Variants in TMOD2 observed in about 807,000 individuals in gnomAD.
TMOD2 encodes tropomodulin 2, also known as tropomodulin-2.
In TMOD2, 22 loss-of-function variants were observed where a neutral mutation model predicts 39.9. The ratio of observed to expected loss-of-function variants is 0.55; its 90% CI spans 0.39 to 0.79. The LOEUF is 0.79. Among genes scored for constraint, TMOD2 ranks in the 30% least tolerant of loss-of-function variants. The pLI is 0.00. For missense variants in TMOD2, 386 were observed against 413.3 expected (o/e 0.93, Z 0.57); for synonymous variants, 123 against 146.1 (o/e 0.84, Z 1.14).
intron 1 of TMOD2, among the ~76,000 whole-genome samples, chr15:51,766,135 A>G (rs1302500786): frequency 6.6e-6 from 1 of 152,268 alleles, no homozygotes; most frequent in Non-Finnish European, 1.5e-5. Flanking sequence ...TAAAATGGGA[A>G]TGATAATATC....
chr15:51,795,573 GCTTGCTTTCTTTCTTT>G (rs1348498355), intron 7 of TMOD2, among the ~76,000 whole-genome samples: 2,348 of 33,898 alleles, frequency 0.069, 77 homozygotes, highest in African/African-American at 0.11. Flanking sequence ...CTGCTTGCTT[GCTTGCTTTCTTTCTTT>G]CTTTCTTTCT....
Position 51,795,929 on chromosome 15 carries a change from CTTTCTT to C in TMOD2, c.733-2255_733-2250del, listed in dbSNP as rs200833955. ...CCCCCACCCGACTTTTTCTCTCTTT[CTTTCTT>C]TTTCTTTTTCTTGTGGGGCAGGGAG... On this transcript the variant is annotated intron_variant, in intron 7 of 9. Coordinates refer to ENST00000249700, the MANE Select transcript of TMOD2 (RefSeq NM_014548.4). Among the ~76,000 whole-genome samples the C allele has an allele frequency of 9.8e-3, 1,216 of 124,262 alleles. 19 individuals are homozygous for C. The highest frequency in any genetic ancestry group is 0.035 in the African/African-American group (1,175 of 33,464). 81.5% of individuals were successfully genotyped at this position (124,262 alleles called of 152,430 possible).
At chr15:51,779,345 G>C (rs916602188) in intron 5 of TMOD2, among the ~76,000 whole-genome samples, 3 of 151,544 alleles carry the variant, frequency 2.0e-5, no homozygotes, top group African/African-American at 7.3e-5. Context: ...CCTCTTATCA[G>C]TACTTACAGG....
At chr15:51,781,650 A>G (rs940028364) in intron 6 of TMOD2, among the ~76,000 whole-genome samples, 2 of 152,166 alleles carry the variant, frequency 1.3e-5, no homozygotes, top group African/African-American at 4.8e-5. Context: ...ATTTCTCACC[A>G]TGTGGCTCCC....
intron 7 of TMOD2, among the ~76,000 whole-genome samples, chr15:51,789,190 A>G (rs1300749985): frequency 6.6e-6 from 1 of 152,232 alleles, no homozygotes; most frequent in Non-Finnish European, 1.5e-5. Flanking sequence ...GGAAAGTAAA[A>G]AAAAGCAGGG....
chr15:51,788,970 G>A (rs182861682), intron 7 of TMOD2, among the ~76,000 whole-genome samples: 2 of 152,264 alleles, frequency 1.3e-5, no homozygotes, highest in East Asian at 3.9e-4. Context: ...AAAATAACCA[G>A]CTAGCATCAT....
chr15:51,804,670 T>G (rs2056110685), intron 8 of TMOD2, among the ~76,000 whole-genome samples: 1 of 151,710 alleles, frequency 6.6e-6, no homozygotes, highest in Non-Finnish European at 1.5e-5. Flanking sequence ...CCTCCCGGGT[T>G]CAAGCAATTC....
At position 51,808,680 on chromosome 15, in the gene TMOD2, G is replaced by T; in HGVS notation, c.*226G>T. On this transcript the variant is annotated 3_prime_UTR_variant, in exon 10 of 10. Transcript: ENST00000249700. ...GGGCACTTCTGGCAACTTGACAAAT[G>T]GACCGATGCAGATTTTAGAGAGTGA... 1 of 384,736 alleles carries T rather than the reference G, an allele frequency of 2.6e-6. No homozygotes were observed. The highest frequency in any genetic ancestry group is 7.5e-5 in the South Asian group (1 of 13,364). The allele number at this position is 384,736 out of a possible 1,614,324, so 23.8% of individuals were successfully genotyped here. A position where few individuals can be genotyped will look rare whatever the true frequency, so the allele number is the denominator to read the frequency against.
At chr15:51,787,412 C>G (rs1024632938) in intron 7 of TMOD2, among the ~76,000 whole-genome samples, 2 of 152,266 alleles carry the variant, frequency 1.3e-5, no homozygotes, top group African/African-American at 4.8e-5. Context: ...GATTCCACCT[C>G]TGGGGGCAGG....
chr15:51,800,786 A>G (rs2056081890), intron 8 of TMOD2, among the ~76,000 whole-genome samples: 1 of 152,078 alleles, frequency 6.6e-6, no homozygotes, highest in East Asian at 1.9e-4. Flanking sequence ...CCTCACTGCA[A>G]TCTCCACCTC....
At chr15:51,801,057 G>A (rs1430455707) in intron 8 of TMOD2, among the ~76,000 whole-genome samples, 1 of 152,060 alleles carries the variant, frequency 6.6e-6, no homozygotes, top group Non-Finnish European at 1.5e-5. Context: ...TTTCTAGAGA[G>A]GCTGGGTGTG....
At chr15:51,772,736 C>A (rs1202928059) in intron 3 of TMOD2, among the ~76,000 whole-genome samples, 2 of 152,042 alleles carry the variant, frequency 1.3e-5, no homozygotes, top group Non-Finnish European at 2.9e-5. Flanking sequence ...GTGGCTATGT[C>A]CCCAGGTCAC....
chr15:51,762,536 C>G (rs553605676), intron 1 of TMOD2, among the ~76,000 whole-genome samples: 2 of 152,270 alleles, frequency 1.3e-5, no homozygotes, highest in Admixed American at 6.5e-5. Context: ...ATCTTTTTTA[C>G]TGAAGTGTAA....
intron 1 of TMOD2, among the ~76,000 whole-genome samples, chr15:51,757,064 TG>T (rs1420180967): frequency 6.6e-6 from 1 of 152,180 alleles, no homozygotes; most frequent in Non-Finnish European, 1.5e-5. Context: ...TGCAAATCGG[TG>T]CACTAATTGT....
chr15:51,798,277 C>T lies in TMOD2; in HGVS notation c.813C>T (p.Ile271=). ...IESNFITGTG[I]LALVEALKEN... ...CCAATTTTATCACTGGAACTGGGAT[C>T]CTGGCCCTGGTAGAGGCACTGAAAG... is the stretch of plus-strand genomic sequence containing the variant. The change falls in exon 8 of 10, where the codon ATC becomes ATT. Residue 271 remains isoleucine (I), a synonymous_variant. Coordinates refer to ENST00000249700, the MANE Select transcript of TMOD2 (RefSeq NM_014548.4). 6.2e-7 allele frequency: 1 copy of T among 1,613,830 alleles called. No individual in the cohort carries two copies. Among genetic ancestry groups the T allele is most frequent in the Non-Finnish European group, 8.5e-7 (1 of 1,179,928 alleles).
intron 5 of TMOD2, among the ~76,000 whole-genome samples, chr15:51,779,579 T>G (rs968669651): frequency 4.6e-5 from 7 of 152,132 alleles, no homozygotes; most frequent in Non-Finnish European, 8.8e-5. Context: ...GAGACGGGAT[T>G]TCATCCTGTT....
In TMOD2 at chr15:51,811,338, T is replaced by C. The variant is rs1322925799; in HGVS notation, c.*2884T>C. ...TGTTCTGCCAGATACTGTGTTGAGA[T>C]ATTTGGCAATATCTGGATAACTGAC... On this transcript the variant is annotated 3_prime_UTR_variant, in exon 10 of 10. Coordinates refer to ENST00000249700, the MANE Select transcript of TMOD2 (RefSeq NM_014548.4). 1 of 152,248 alleles carries C rather than the reference T, an allele frequency of 6.6e-6. No homozygotes were observed. Among genetic ancestry groups the C allele is most frequent in the Admixed American group, 6.5e-5 (1 of 15,288 alleles). The allele number at this position is 152,248 out of a possible 1,614,324, so 9.4% of individuals were successfully genotyped here. A position where few individuals can be genotyped will look rare whatever the true frequency, so the allele number is the denominator to read the frequency against.
rs1349306560 is a variant in TMOD2 at position 51,773,713 on chromosome 15, G to A, written c.285G>A (p.Gly95=). ...TTTTGTTTTTCTTCTGATTTAAAGG[G>A]AGAGTCTTTATCCCTAAAGAAAAGC... The part of the protein sequence containing the change: ...DFVPFTGEKK[G]RVFIPKEKPI... The change falls in exon 4 of 10, where the codon GGG becomes GGA. Residue 95 remains glycine (G), a splice_region_variant and synonymous_variant. Coordinates refer to ENST00000249700, the MANE Select transcript of TMOD2 (RefSeq NM_014548.4). 6.2e-7 allele frequency: 1 copy of A among 1,602,164 alleles called. No homozygotes were observed. Among genetic ancestry groups the A allele is most frequent in the Non-Finnish European group, 8.5e-7 (1 of 1,176,760 alleles).
chr15:51,795,430 A>G lies in TMOD2; in HGVS notation c.733-2767A>G, dbSNP rs1251652423. On this transcript the variant is annotated intron_variant, in intron 7 of 9. Coordinates refer to ENST00000249700, the MANE Select transcript of TMOD2 (RefSeq NM_014548.4). ...ACATGTCAAGTGAGACTTTGTCTCA[A>G]AAAAAAAAAAAAAAGTTTTTTTTAT... Among the ~76,000 whole-genome samples the G allele has an allele frequency of 5.1e-5, 7 of 138,584 alleles. No individual in the cohort carries two copies. The South Asian group carries it at 1.3e-3, about 26-fold the overall frequency. 90.9% of individuals were successfully genotyped at this position (138,584 alleles called of 152,430 possible). A position where few individuals can be genotyped will look rare whatever the true frequency, so the allele number is the denominator to read the frequency against.
Sources: allele counts gnomAD v4.1 joint callset (sites outside exome capture counted in the v4.1 genomes callset), GRCh38; gene constraint gnomAD v4.1.1; transcripts MANE v1.5; gene names NCBI Gene and HGNC (gene_info 2026-07-23, HGNC 2026-07-21).